The following POM121C variants were observed in gnomAD, a reference collection of about 807,000 sequenced individuals.
POM121C encodes POM121 transmembrane nucleoporin C.
A neutral mutation model predicts 66.4 loss-of-function variants in POM121C; 20 were observed. That is an observed-to-expected ratio of 0.30 (90% CI 0.21 to 0.44). The LOEUF (loss-of-function observed/expected upper bound fraction) is 0.44, where lower values mean the gene tolerates loss of function less well. Ranked by LOEUF, POM121C falls within the 20% of genes least tolerant of loss-of-function variation. The pLI, the probability that POM121C is intolerant of heterozygous loss-of-function variation, is 1.00. For synonymous variants in POM121C, 286 were observed against 528.0 expected (o/e 0.54, Z 6.28); for missense variants, 580 against 1,225.7 (o/e 0.47, Z 7.87).
Position 75,419,454 on chromosome 7 carries a change from A to G in POM121C, c.2744-12T>C. 6.2e-7 allele frequency: 1 copy of G among 1,612,902 alleles called. No individual in the cohort carries two copies. On this transcript the variant is annotated splice_polypyrimidine_tract_variant and intron_variant, in intron 13 of 14. Coordinates refer to ENST00000615331, the MANE Select transcript of POM121C (RefSeq NM_001099415.3). ...GGGGGTGGCGGTGCCTGGAATGAAG[A>G]GAACAGAGAGCTAGCCAGTGAGCAG... is the stretch of plus-strand genomic sequence containing the variant.
intron 7 of POM121C, among the ~76,000 whole-genome samples, chr7:75,431,886 A>C (rs1174364582): frequency 6.6e-6 from 1 of 152,092 alleles, no homozygotes; most frequent in African/African-American, 2.4e-5. Flanking sequence ...CAGGAGGCAG[A>C]GGTTGCAGTG....
chr7:75,484,442 A>T (rs1436940982), intron 1 of POM121C: 1 of 378,210 alleles, frequency 2.6e-6, no homozygotes, highest in Non-Finnish European at 4.8e-6. Flanking sequence ...GGCTGGTCTC[A>T]AATTCTGGCC....
At position 75,419,353 on chromosome 7, in the gene POM121C, G is replaced by T. The variant is rs782762895; in HGVS notation, c.2833C>A (p.Pro945Thr). 2 of 1,613,620 alleles carry T rather than the reference G, an allele frequency of 1.2e-6. No homozygotes were observed. The highest frequency in any genetic ancestry group is 2.2e-5 in the East Asian group (1 of 44,888). The change falls in exon 14 of 15, where the codon CCC becomes ACC. Residue 945 changes from proline (P) to threonine (T), a missense_variant. By Grantham distance (38) the Pro-to-Thr change is conservative. Transcript: ENST00000615331. ...CCAACACCAACAAAGCCTTGGGCGG[G>T]TGCTGAAGATGCCCCAAAGGAGAGG... ...SSLSFGASSA[P>T]AQGFVGVGPF...
chr7:75,441,283 A>C lies in POM121C; in HGVS notation c.65+149T>G, dbSNP rs1790637502. 3.0e-6 allele frequency: 4 copies of C among 1,316,860 alleles called. No individual in the cohort carries two copies. In the South Asian group the frequency reaches 4.4e-5, roughly 14 times the overall value. The allele number at this position is 1,316,860 out of a possible 1,614,324, so 81.6% of individuals were successfully genotyped here. A position where few individuals can be genotyped will look rare whatever the true frequency, so the allele number is the denominator to read the frequency against. The stretch of plus-strand genomic sequence containing the variant: ...CGTTAACGGCAAAAAGTGAAAAACA[A>C]ACGGTTTTACTAGAATTTGGTATTT... On this transcript the variant is annotated intron_variant, in intron 4 of 14. Coordinates refer to ENST00000615331, the MANE Select transcript of POM121C (RefSeq NM_001099415.3).
At chr7:75,421,442 C>A (rs2116324199) in intron 13 of POM121C, 67 bp downstream of exon 13, 1 of 1,606,154 alleles carries the variant, frequency 6.2e-7, no homozygotes, top group African/African-American at 1.3e-5. Context: ...CTCCCCGAGA[C>A]CACAGGCTTC....
chr7:75,448,044 C>CCAAA (rs773617124), intron 3 of POM121C, among the ~76,000 whole-genome samples: 47 of 147,012 alleles, frequency 3.2e-4, no homozygotes, highest in Admixed American at 4.7e-4. Flanking sequence ...AAAAAACCAA[C>CCAAA]CAAACAAACA....
Position 75,463,453 on chromosome 7 carries a change from T to C in POM121C, c.-152+11251A>G, listed in dbSNP as rs587680602. ...GATGGAAAGAGCTGGGTTTTTCTTT[T>C]TTTTTTTTTTTTTTTTACCTTTGGC... is the stretch of plus-strand genomic sequence containing the variant. On this transcript the variant is annotated intron_variant, in intron 3 of 14. Transcript: ENST00000615331. Among the ~76,000 whole-genome samples, 646 of 149,960 alleles carry C rather than the reference T, an allele frequency of 4.3e-3. 4 individuals are homozygous for C. The highest frequency in any genetic ancestry group is 6.9e-3 in the Non-Finnish European group (462 of 67,350).
Position 75,476,307 on chromosome 7 carries a change from G to C in POM121C, c.-457-1119C>G, listed in dbSNP as rs797040683. Among the ~76,000 whole-genome samples, 44 of 132,358 alleles carry C rather than the reference G, an allele frequency of 3.3e-4. No individual in the cohort carries two copies. The South Asian group carries it at 0.01, about 31-fold the overall frequency. The allele number at this position is 132,358 out of a possible 152,430, so 86.8% of individuals were successfully genotyped here. A position where few individuals can be genotyped will look rare whatever the true frequency, so the allele number is the denominator to read the frequency against. Reference sequence around the variant, plus strand: ...CCTTGTCTCAAAAAAAAAAAAAAAAGAAAAATGCAAAGCTCCTGGGCTCCA... The same window carrying C: ...CCTTGTCTCAAAAAAAAAAAAAAAACAAAAATGCAAAGCTCCTGGGCTCCA... On this transcript the variant is annotated intron_variant, in intron 1 of 14. Transcript: ENST00000615331.
intron 10 of POM121C, 154 bp downstream of exon 10, chr7:75,424,920 A>G: frequency 1.4e-6 from 2 of 1,463,084 alleles, no homozygotes; most frequent in Non-Finnish European, 1.8e-6. Context: ...AAATCGAGCC[A>G]CTGAACTCCA....
At chr7:75,434,780 A>C (rs1225414181) in intron 7 of POM121C, among the ~76,000 whole-genome samples, 1 of 151,756 alleles carries the variant, frequency 6.6e-6, no homozygotes, top group Non-Finnish European at 1.5e-5. Flanking sequence ...ACAGGATTTC[A>C]CCATGTTGGC....
intron 3 of POM121C, among the ~76,000 whole-genome samples, chr7:75,474,180 G>A (rs1480209911): frequency 2.6e-5 from 4 of 152,104 alleles, no homozygotes; most frequent in Admixed American, 6.6e-5. Context: ...GATCACTTGA[G>A]GCCAGGAGTT....
intron 7 of POM121C, among the ~76,000 whole-genome samples, chr7:75,427,839 A>G (rs1203685554): frequency 5.9e-5 from 9 of 152,220 alleles, no homozygotes; most frequent in Admixed American, 5.9e-4. Context: ...AAGGGAAAAG[A>G]GGAAGCTTCA....
intron 1 of POM121C, among the ~76,000 whole-genome samples, chr7:75,479,857 T>C (rs1217528210): frequency 1.3e-5 from 2 of 151,838 alleles, no homozygotes; most frequent in African/African-American, 4.8e-5. Flanking sequence ...CTCACTAAAA[T>C]AACAAAACAG....
intron 3 of POM121C, among the ~76,000 whole-genome samples, chr7:75,447,794 C>G (rs587740462): frequency 1.3e-5 from 2 of 151,984 alleles, no homozygotes; most frequent in South Asian, 4.2e-4. Flanking sequence ...GAGGCCGAGG[C>G]AGGCGGATCA....
At chr7:75,438,257 A>G (rs1232870838) in intron 6 of POM121C, among the ~76,000 whole-genome samples, 1 of 152,240 alleles carries the variant, frequency 6.6e-6, no homozygotes, top group African/African-American at 2.4e-5. Flanking sequence ...ACCCACGTCA[A>G]CCATGAACCA....
chr7:75,430,243 C>T (rs1228473705), intron 7 of POM121C, among the ~76,000 whole-genome samples: 2 of 151,914 alleles, frequency 1.3e-5, no homozygotes, highest in African/African-American at 4.8e-5. Context: ...GAAAGGGGGA[C>T]GACTGACTCT....
At chr7:75,424,690 G>A in intron 10 of POM121C, 62 bp from the exon 11 acceptor site, 1 of 1,589,498 alleles carries the variant, frequency 6.3e-7, no homozygotes, top group Non-Finnish European at 8.6e-7. Flanking sequence ...TGGGCGTGGT[G>A]GCTAACGCCG....
At chr7:75,462,881 C>G (rs1456987735) in intron 3 of POM121C, among the ~76,000 whole-genome samples, 2 of 151,966 alleles carry the variant, frequency 1.3e-5, no homozygotes, top group Admixed American at 1.3e-4. Flanking sequence ...TTCAGACCTG[C>G]CCTTGTGTAC....
In POM121C at chr7:75,477,348, C is replaced by A. The variant is rs1368474748; in HGVS notation, c.-457-2160G>T. 2.6e-5 allele frequency among the ~76,000 whole-genome samples: 4 copies of A among 152,066 alleles called. No individual in the cohort carries two copies. In the South Asian group the frequency reaches 8.3e-4, roughly 32 times the overall value. ...CTGTAATCCCAACACTTTAGAAGGC[C>A]GAGGCGGGCAGATCACCTGAGGTCA... On this transcript the variant is annotated intron_variant, in intron 1 of 14. Coordinates refer to ENST00000615331, the MANE Select transcript of POM121C (RefSeq NM_001099415.3).
Sources: gnomAD v4.1 joint callset for allele counts (sites outside exome capture counted in the v4.1 genomes callset) on GRCh38, gnomAD v4.1.1 for gene constraint, MANE v1.5 for transcripts, NCBI Gene and HGNC (gene_info 2026-07-23, HGNC 2026-07-21) for gene names.